Variants in PRKG2 observed in about 807,000 individuals in gnomAD.
The protein encoded by PRKG2 is protein kinase cGMP-dependent 2, also known as cGMP-dependent protein kinase 2.
In PRKG2, 33 loss-of-function variants were observed where a neutral mutation model predicts 97.2. The observed-to-expected ratio is 0.34, with a 90% CI of 0.26 to 0.45. The LOEUF (loss-of-function observed/expected upper bound fraction) is 0.45, where lower values mean the gene tolerates loss of function less well. Among genes scored for constraint, PRKG2 ranks in the 20% least tolerant of loss-of-function variants. The pLI is 1.00. For missense variants in PRKG2, 638 were observed against 900.0 expected, an observed-to-expected ratio of 0.71 and a Z score of 3.73; for synonymous variants, 330 against 321.8, an observed-to-expected ratio of 1.03 and a Z score of -0.27.
intron 1 of PRKG2, among the ~76,000 whole-genome samples, chr4:81,205,500 A>G (rs1369447850): frequency 2.6e-5 from 4 of 152,268 alleles, no homozygotes; most frequent in Non-Finnish European, 5.9e-5. Context: ...ATGCGGCAAC[A>G]GTAAGAAACC....
chr4:81,213,582 C>G (rs1822441), intron 1 of PRKG2, among the ~76,000 whole-genome samples: 1 of 151,956 alleles, frequency 6.6e-6, no homozygotes, highest in Non-Finnish European at 1.5e-5. Flanking sequence ...AAGAGTAGAG[C>G]CTGCAAGACG....
intron 2 of PRKG2, among the ~76,000 whole-genome samples, chr4:81,199,595 G>T (rs957137926): frequency 1.2e-4 from 19 of 152,094 alleles, no homozygotes; most frequent in African/African-American, 3.4e-4. Flanking sequence ...TATCTTATAG[G>T]TTTATTGTGA....
intron 6 of PRKG2, among the ~76,000 whole-genome samples, chr4:81,163,159 T>C (rs1012641278): frequency 2.6e-5 from 4 of 152,192 alleles, no homozygotes; most frequent in Admixed American, 2.6e-4. Flanking sequence ...TCCCAGTGTG[T>C]TGACAGTAAC....
intron 2 of PRKG2, among the ~76,000 whole-genome samples, chr4:81,191,028 TTCC>T (rs1752437473): frequency 6.6e-6 from 1 of 152,178 alleles, no homozygotes; most frequent in African/African-American, 2.4e-5. Context: ...AGTGTGGCGA[TTCC>T]TCAAGGATCT....
chr4:81,212,020 CCT>C (rs1388069966), intron 1 of PRKG2, among the ~76,000 whole-genome samples: 4 of 152,134 alleles, frequency 2.6e-5, no homozygotes, highest in African/African-American at 7.2e-5. Flanking sequence ...TATATAAATC[CCT>C]GATTCTTCTC....
At chr4:81,138,260 G>C (rs1006987929) in intron 12 of PRKG2, among the ~76,000 whole-genome samples, 1 of 152,146 alleles carries the variant, frequency 6.6e-6, no homozygotes, top group African/African-American at 2.4e-5. Context: ...CGTAGGCAGG[G>C]CATCACATTT....
At chr4:81,093,662 A>C (rs1025573700) in intron 17 of PRKG2, among the ~76,000 whole-genome samples, 8 of 152,206 alleles carry the variant, frequency 5.3e-5, no homozygotes, top group African/African-American at 1.9e-4. Flanking sequence ...AAGCAGAAAA[A>C]GTATTTTACA....
At chr4:81,198,286 G>A (rs1448483190) in intron 2 of PRKG2, among the ~76,000 whole-genome samples, 1 of 150,946 alleles carries the variant, frequency 6.6e-6, no homozygotes, top group Non-Finnish European at 1.5e-5. Context: ...AGTGAGCAGA[G>A]CCCAGAGCTC....
intron 14 of PRKG2, among the ~76,000 whole-genome samples, chr4:81,118,788 G>A (rs1472089248): frequency 4.0e-5 from 6 of 151,484 alleles, no homozygotes; most frequent in Admixed American, 3.9e-4. Flanking sequence ...TTTTCGTTTG[G>A]TTTGTTTGTT....
chr4:81,114,359 AAC>A (rs1744286553), intron 14 of PRKG2, among the ~76,000 whole-genome samples: 1 of 152,150 alleles, frequency 6.6e-6, no homozygotes, highest in Non-Finnish European at 1.5e-5. Context: ...GATAATCATT[AAC>A]GTCAGTTTTA....
intron 3 of PRKG2, 72 bp downstream of exon 3, chr4:81,174,721 T>C: frequency 3.5e-6 from 5 of 1,425,656 alleles, no homozygotes; most frequent in Non-Finnish European, 3.8e-6. Flanking sequence ...TTTTATGTTT[T>C]TATAAATGTT....
rs1442287833 is a variant in PRKG2, at chr4:81,153,637, T to A, written c.990+7A>T. Reference sequence around the variant, plus strand: ...TTTTTATTTAGTAAGTTTTAATTAATAGTTACCTTTCCTTTTGCCAAAATG... The same window carrying A: ...TTTTTATTTAGTAAGTTTTAATTAAAAGTTACCTTTCCTTTTGCCAAAATG... On this transcript the variant is annotated splice_region_variant and intron_variant, in intron 7 of 18. Coordinates refer to ENST00000264399, the MANE Select transcript of PRKG2 (RefSeq NM_006259.3). 1.3e-6 allele frequency: 2 copies of A among 1,561,520 alleles called. No individual in the cohort carries two copies. The highest frequency in any genetic ancestry group is 2.7e-5 in the African/African-American group (2 of 73,688).
intron 2 of PRKG2, among the ~76,000 whole-genome samples, chr4:81,180,915 T>G (rs1751349690): frequency 6.6e-6 from 1 of 152,074 alleles, no homozygotes; most frequent in Non-Finnish European, 1.5e-5. Context: ...ACATGTGCCA[T>G]GTTGGTGTGC....
intron 17 of PRKG2, among the ~76,000 whole-genome samples, chr4:81,097,590 A>G (rs1450744135): frequency 2.0e-5 from 3 of 152,320 alleles, no homozygotes; most frequent in Middle Eastern, 3.4e-3. Context: ...CCTAGACAGT[A>G]TCTTCTTTCA....
chr4:81,183,242 C>A (rs1049376232), intron 2 of PRKG2, among the ~76,000 whole-genome samples: 1 of 152,142 alleles, frequency 6.6e-6, no homozygotes, highest in Admixed American at 6.5e-5. Context: ...CAGCTTCCAG[C>A]GAGATCAATG....
Position 81,140,522 on chromosome 4 carries a change from T to A in PRKG2, c.1544+11A>T, listed in dbSNP as rs1044724040. On this transcript the variant is annotated intron_variant, in intron 12 of 18. Coordinates refer to ENST00000264399, the MANE Select transcript of PRKG2 (RefSeq NM_006259.3). ...AAATCCTAACTCCTTGGAAGCCAAG[T>A]GGTCACTTACTTCACAATGAATGGA... 1.3e-6 allele frequency: 2 copies of A among 1,560,374 alleles called. No homozygotes were observed. The highest frequency in any genetic ancestry group is 2.7e-5 in the African/African-American group (2 of 74,392).
At chr4:81,171,126 C>T (rs1448160867) in intron 4 of PRKG2, among the ~76,000 whole-genome samples, 4 of 151,922 alleles carry the variant, frequency 2.6e-5, no homozygotes, top group African/African-American at 9.7e-5. Context: ...GGTATTTAGC[C>T]CCGCATACAT....
chr4:81,204,455 T>C (rs1753517793), intron 2 of PRKG2, 132 bp downstream of exon 2: 1 of 1,062,926 alleles, frequency 9.4e-7, no homozygotes, highest in Non-Finnish European at 1.4e-6. Context: ...CAAAATCATT[T>C]CAAAAACCCC....
chr4:81,160,715 T>A (rs1032536219), intron 6 of PRKG2, among the ~76,000 whole-genome samples: 1 of 152,190 alleles, frequency 6.6e-6, no homozygotes, highest in Admixed American at 6.6e-5. Context: ...TTAATTTAGA[T>A]CTATCCTCAT....
Sources: gnomAD v4.1 joint callset for allele counts (sites outside exome capture counted in the v4.1 genomes callset) on GRCh38, gnomAD v4.1.1 for gene constraint, MANE v1.5 for transcripts, NCBI Gene and HGNC (gene_info 2026-07-23, HGNC 2026-07-21) for gene names.